VAC14: variants seen among roughly 807,000 people sequenced by gnomAD.
VAC14 encodes the protein VAC14 component of PIKFYVE complex, also known as protein VAC14 homolog.
A neutral mutation model predicts 85.3 loss-of-function variants in VAC14; 47 were observed. The observed-to-expected ratio is 0.55, with a 90% CI of 0.44 to 0.70. The LOEUF is 0.70. VAC14 is among the 30% of genes least tolerant of loss of function. The probability of loss-of-function intolerance (pLI) is 0.00; values close to 1 mark genes in which losing one functional copy is unlikely to be tolerated. For synonymous variants in VAC14, 447 were observed against 430.5 expected (o/e 1.04, Z -0.47); for missense variants, 861 against 1,004.3 (o/e 0.86, Z 1.93).
At chr16:70,759,085 G>A (rs2032105639) in intron 12 of VAC14, among the ~76,000 whole-genome samples, 1 of 152,202 alleles carries the variant, frequency 6.6e-6, no homozygotes, top group East Asian at 1.9e-4. Flanking sequence ...GGTGGTGGCA[G>A]CAGAGCTGGG....
At chr16:70,800,460 G>C (rs891255192) in intron 1 of VAC14, among the ~76,000 whole-genome samples, 2 of 152,178 alleles carry the variant, frequency 1.3e-5, no homozygotes, top group East Asian at 1.9e-4. Context: ...TCACCACAGA[G>C]ACAACTCTCT....
chr16:70,772,391 A>C, intron 9 of VAC14: 1 of 547,040 alleles, frequency 1.8e-6, no homozygotes, highest in Non-Finnish European at 3.3e-6. Context: ...TGATCTCACA[A>C]GGAGGGGACA....
chr16:70,692,813 G>A lies in VAC14; in HGVS notation c.2186+8C>T. The stretch of plus-strand genomic sequence containing the variant: ...GGGCGGGGGCAGCAGTCCCCAGCCG[G>A]CACTCACTCGGTCTGCAGCAGCTCA... On this transcript the variant is annotated splice_region_variant and intron_variant, in intron 18 of 18. Coordinates refer to ENST00000261776, the MANE Select transcript of VAC14 (RefSeq NM_018052.5). 6.3e-7 allele frequency: 1 copy of A among 1,594,708 alleles called. No individual in the cohort carries two copies. Among genetic ancestry groups the A allele is most frequent in the Non-Finnish European group, 8.5e-7 (1 of 1,173,634 alleles).
At chr16:70,735,213 A>T (rs1378304522) in intron 13 of VAC14, among the ~76,000 whole-genome samples, 1 of 151,940 alleles carries the variant, frequency 6.6e-6, no homozygotes, top group Non-Finnish European at 1.5e-5. Context: ...TGGGACCATC[A>T]TTTTCCAGGC....
In VAC14 at chr16:70,692,883, G is replaced by A. The variant is rs140883176; in HGVS notation, c.2124C>T (p.Ser708=). The A allele has an allele frequency of 1.2e-4, 196 of 1,607,780 alleles. No individual in the cohort carries two copies. The highest frequency in any genetic ancestry group is 1.6e-4 in the Non-Finnish European group (184 of 1,178,294). Residue 708 remains serine, a synonymous_variant, in exon 18 of 19, where the codon AGC becomes AGT. Transcript: ENST00000261776. ...YGLLMLLPQS[S]AFQLLSHRLQ... is the part of the protein sequence containing the mutation. ...GCCGGTGCGAGAGCAGCTGGAAGGC[G>A]CTGCTCTGCGGCAGGAGCATGAGCA...
chr16:70,761,274 C>G, intron 12 of VAC14: 1 of 393,436 alleles, frequency 2.5e-6, no homozygotes, highest in Non-Finnish European at 5.1e-6. Context: ...CAATAGCCCT[C>G]TCCCATCCCC....
chr16:70,753,014 GTGT>G (rs2031522905), intron 12 of VAC14, among the ~76,000 whole-genome samples: 1 of 126,266 alleles, frequency 7.9e-6, no homozygotes, highest in Non-Finnish European at 1.6e-5. Context: ...AGGAGGGGGT[GTGT>G]GTGTGTGTGT....
At chr16:70,712,855 C>A (rs544896050) in intron 14 of VAC14, among the ~76,000 whole-genome samples, 1 of 152,304 alleles carries the variant, frequency 6.6e-6, no homozygotes, top group African/African-American at 2.4e-5. Context: ...CTCTTGGACT[C>A]CTTCTTGGAG....
chr16:70,795,175 G>A (rs1049817602), intron 1 of VAC14, among the ~76,000 whole-genome samples: 1 of 152,130 alleles, frequency 6.6e-6, no homozygotes, highest in African/African-American at 2.4e-5. Flanking sequence ...TTCTCAGAAT[G>A]CATCCCCTGA....
intron 14 of VAC14, among the ~76,000 whole-genome samples, chr16:70,710,522 A>G (rs1156951922): frequency 6.6e-6 from 1 of 152,154 alleles, no homozygotes; most frequent in Non-Finnish European, 1.5e-5. Context: ...CGGCCCCAAC[A>G]ATGTCTGGCG....
At chr16:70,741,885 G>T (rs1297804211) in intron 13 of VAC14, among the ~76,000 whole-genome samples, 1 of 152,174 alleles carries the variant, frequency 6.6e-6, no homozygotes, top group Non-Finnish European at 1.5e-5. Context: ...AGTGCCCCTG[G>T]CCCTGCCGCC....
chr16:70,789,243 CA>C (rs558463387), intron 1 of VAC14, among the ~76,000 whole-genome samples: 136 of 152,310 alleles, frequency 8.9e-4, no homozygotes, highest in African/African-American at 3.0e-3. Flanking sequence ...AAAAGCCCCC[CA>C]AAGTTTTAAT....
intron 14 of VAC14, among the ~76,000 whole-genome samples, chr16:70,730,611 T>G (rs1187410064): frequency 6.7e-6 from 1 of 149,806 alleles, no homozygotes; most frequent in Non-Finnish European, 1.5e-5. Flanking sequence ...TTTTTTTTTT[T>G]TTTGGAGACA....
chr16:70,690,392 G>A lies in VAC14; in HGVS notation c.2187-2302C>T, dbSNP rs2053575454. On this transcript the variant is annotated intron_variant, in intron 18 of 18. Transcript: ENST00000261776. ...GTCCATAACCACCCTCGGGCACCGA[G>A]GCTGAGGCCAGCCAGCCCACAGCAC... 6.1e-6 allele frequency: 6 copies of A among 985,498 alleles called. No homozygotes were observed. The South Asian group carries it at 1.4e-4, about 23-fold the overall frequency. 61.0% of individuals were successfully genotyped at this position (985,498 alleles called of 1,614,324 possible). A position where few individuals can be genotyped will look rare whatever the true frequency, so the allele number is the denominator to read the frequency against.
At chr16:70,727,245 A>C (rs2054455135) in intron 14 of VAC14, among the ~76,000 whole-genome samples, 1 of 152,256 alleles carries the variant, frequency 6.6e-6, no homozygotes, top group Admixed American at 6.5e-5. Flanking sequence ...ACAGCTAAAG[A>C]GGGGGTTAAG....
intron 18 of VAC14, chr16:70,691,031 C>A: frequency 6.1e-6 from 6 of 985,484 alleles, no homozygotes; most frequent in Non-Finnish European, 7.2e-6. Flanking sequence ...CTACTCTAGG[C>A]CTGCAAAGCA....
chr16:70,761,485 C>T (rs1054451984), intron 12 of VAC14, among the ~76,000 whole-genome samples: 16 of 152,232 alleles, frequency 1.1e-4, no homozygotes, highest in Non-Finnish European at 4.4e-5. Flanking sequence ...TGGGATGCTG[C>T]CGTGCAATGG....
intron 15 of VAC14, among the ~76,000 whole-genome samples, chr16:70,697,684 C>T (rs1389003207): frequency 6.6e-6 from 1 of 152,166 alleles, no homozygotes; most frequent in African/African-American, 2.4e-5. Flanking sequence ...CTCTGCAGTC[C>T]ACTTCGAACA....
chr16:70,749,774 C>G (rs984242200), intron 12 of VAC14, among the ~76,000 whole-genome samples: 1 of 152,238 alleles, frequency 6.6e-6, no homozygotes, highest in Admixed American at 6.5e-5. Context: ...GCTGCTGCTT[C>G]GCTCCCAGTT....
Sources: gnomAD v4.1 joint callset for allele counts (sites outside exome capture counted in the v4.1 genomes callset) on GRCh38, gnomAD v4.1.1 for gene constraint, MANE v1.5 for transcripts, NCBI Gene and HGNC (gene_info 2026-07-23, HGNC 2026-07-21) for gene names.